Variants in KIAA1549L observed in about 807,000 individuals in gnomAD.
KIAA1549L encodes KIAA1549 like.
In KIAA1549L, 88 loss-of-function variants were observed where a neutral mutation model predicts 160.7. That is an observed-to-expected ratio of 0.55 (90% confidence interval 0.46 to 0.65). The LOEUF (loss-of-function observed/expected upper bound fraction) is 0.65, where lower values mean the gene tolerates loss of function less well. Among genes scored for constraint, KIAA1549L ranks in the 30% least tolerant of loss-of-function variants. The pLI is 0.00. For synonymous variants in KIAA1549L, 950 were observed against 976.7 expected, an observed-to-expected ratio of 0.97 and a Z score of 0.51; for missense variants, 2,258 against 2,437.5, an observed-to-expected ratio of 0.93 and a Z score of 1.55.
chr11:33,450,037 T>C (rs2132969137), intron 1 of KIAA1549L, among the ~76,000 whole-genome samples: 1 of 152,332 alleles, frequency 6.6e-6, no homozygotes, highest in East Asian at 1.9e-4. Context: ...TTTTGGTGAC[T>C]TGGCTTTATG....
At chr11:33,461,073 G>T (rs185314213) in intron 1 of KIAA1549L, among the ~76,000 whole-genome samples, 1 of 151,874 alleles carries the variant, frequency 6.6e-6, no homozygotes, top group East Asian at 1.9e-4. Flanking sequence ...TTGAATTGGG[G>T]GGTTGGTTTA....
rs184335989 is a variant in KIAA1549L at position 33,407,183 on chromosome 11, C to T, written c.238+30294C>T. On this transcript the variant is annotated intron_variant, in intron 1 of 20. Transcript: ENST00000658780. ...CACTACAAACTCCGCCTCCCGGGTT[C>T]ACGCCATTCTCCTGCCTCAGCCTCC... Among the ~76,000 whole-genome samples, 479 of 140,686 alleles carry T rather than the reference C, an allele frequency of 3.4e-3. 2 individuals carry two copies. The highest frequency in any genetic ancestry group is 5.4e-3 in the Non-Finnish European group (361 of 66,620). The allele number at this position is 140,686 out of a possible 152,430, so 92.3% of individuals were successfully genotyped here. A position where few individuals can be genotyped will look rare whatever the true frequency, so the allele number is the denominator to read the frequency against.
At chr11:33,384,041 A>G (rs78556475) in intron 1 of KIAA1549L, among the ~76,000 whole-genome samples, 1 of 152,216 alleles carries the variant, frequency 6.6e-6, no homozygotes, top group African/African-American at 2.4e-5. Flanking sequence ...AGTTTTGACA[A>G]AAGTGTGCAA....
chr11:33,411,257 T>A (rs1850779394), intron 1 of KIAA1549L, among the ~76,000 whole-genome samples: 1 of 152,168 alleles, frequency 6.6e-6, no homozygotes, highest in South Asian at 2.1e-4. Context: ...TAGCCTTACT[T>A]TATTGGTTTT....
rs552371084 is a variant in KIAA1549L at position 33,409,333 on chromosome 11, C to G, written c.238+32444C>G. On this transcript the variant is annotated intron_variant, in intron 1 of 20. Coordinates refer to ENST00000658780, the MANE Select transcript of KIAA1549L (RefSeq NM_012194.3). ...GGGTGATGGTTCATAACTTACTGTT[C>G]TCTAAAGGACCTTTTCTAGAAAACA... 3.3e-5 allele frequency among the ~76,000 whole-genome samples: 5 copies of G among 152,284 alleles called. No homozygotes were observed. In the South Asian group the frequency reaches 1.0e-3, roughly 32 times the overall value.
chr11:33,560,625 A>G (rs368737675), intron 7 of KIAA1549L, among the ~76,000 whole-genome samples: 143 of 152,354 alleles, frequency 9.4e-4, no homozygotes, highest in African/African-American at 3.3e-3. Flanking sequence ...TACATTTTGT[A>G]TCCAAATGTT....
chr11:33,518,098 C>G (rs1328352842), intron 1 of KIAA1549L, among the ~76,000 whole-genome samples: 1 of 122,766 alleles, frequency 8.1e-6, no homozygotes, highest in Admixed American at 1.1e-4. Context: ...GAGATTACAC[C>G]ATTGCACTCC....
At chr11:33,492,787 T>C (rs1360745791) in intron 1 of KIAA1549L, among the ~76,000 whole-genome samples, 1 of 152,168 alleles carries the variant, frequency 6.6e-6, no homozygotes, top group Non-Finnish European at 1.5e-5. Flanking sequence ...TTCTATTCAT[T>C]ATTCTGTCTG....
chr11:33,480,158 A>G (rs1852378964), intron 1 of KIAA1549L, among the ~76,000 whole-genome samples: 1 of 152,126 alleles, frequency 6.6e-6, no homozygotes, highest in African/African-American at 2.4e-5. Flanking sequence ...AGTATATTCA[A>G]ATTACAAGTT....
In KIAA1549L at chr11:33,544,181, G is replaced by A. The variant is rs1854146426; in HGVS notation, c.2618G>A (p.Ser873Asn). The change falls in exon 2 of 21, where the codon AGT (serine) becomes AAT (asparagine). Residue 873 changes from serine (S) to asparagine (N), a missense_variant. By Grantham distance (46) the Ser-to-Asn change is conservative. Coordinates refer to ENST00000658780, the MANE Select transcript of KIAA1549L (RefSeq NM_012194.3). ...ACAGATACAGGTTCTGAAATTTCCA[G>A]TGACATCAATTCATCACCTGAGAGA... ...DGTDTGSEIS[S>N]DINSSPERNA... 1 of 1,614,002 alleles carries A rather than the reference G, an allele frequency of 6.2e-7. No individual in the cohort carries two copies. The highest frequency in any genetic ancestry group is 2.2e-5 in the East Asian group (1 of 44,884).
chr11:33,511,404 T>C (rs1009949766), intron 1 of KIAA1549L, among the ~76,000 whole-genome samples: 5 of 152,154 alleles, frequency 3.3e-5, no homozygotes, highest in Non-Finnish European at 5.9e-5. Context: ...TGTGGGAGGA[T>C]TAAAAAGATA....
chr11:33,437,797 G>T (rs1025742880), intron 1 of KIAA1549L, among the ~76,000 whole-genome samples: 1 of 152,124 alleles, frequency 6.6e-6, no homozygotes, highest in African/African-American at 2.4e-5. Context: ...TAGGATTCTT[G>T]TCCCCTCCAG....
In KIAA1549L at chr11:33,653,001, A is replaced by G. The variant is rs541118283; in HGVS notation, c.5761-3011A>G. Among the ~76,000 whole-genome samples, 101 of 152,370 alleles carry G rather than the reference A, an allele frequency of 6.6e-4. 2 individuals carry two copies. Among genetic ancestry groups the G allele is most frequent in the African/African-American group, 2.1e-3 (89 of 41,588 alleles). ...GTGCCTTATTTCACAAGGAAAGCAA[A>G]ACAAAACAAAACCAAAACAAGGTTC... On this transcript the variant is annotated intron_variant, in intron 17 of 20. Transcript: ENST00000658780.
At chr11:33,589,820 G>A (rs982757613) in intron 11 of KIAA1549L, among the ~76,000 whole-genome samples, 1 of 152,190 alleles carries the variant, frequency 6.6e-6, no homozygotes, top group Non-Finnish European at 1.5e-5. Context: ...TAAATGACAA[G>A]TTAATGGGTG....
intron 1 of KIAA1549L, among the ~76,000 whole-genome samples, chr11:33,404,279 C>T (rs573094217): frequency 6.6e-6 from 1 of 152,280 alleles, no homozygotes; most frequent in East Asian, 1.9e-4. Flanking sequence ...AATCCCAGCA[C>T]TTTGGGAGGC....
At chr11:33,447,211 T>G (rs1020440792) in intron 1 of KIAA1549L, among the ~76,000 whole-genome samples, 7 of 149,018 alleles carry the variant, frequency 4.7e-5, no homozygotes, top group Non-Finnish European at 8.8e-5. Flanking sequence ...GAGTTGAGAA[T>G]GAACATAGCA....
chr11:33,476,583 C>G (rs532839588), intron 1 of KIAA1549L, among the ~76,000 whole-genome samples: 91 of 152,284 alleles, frequency 6.0e-4, no homozygotes, highest in African/African-American at 2.1e-3. Context: ...ACCTACCTGT[C>G]CTGGCCTCTC....
At chr11:33,464,511 T>TGTGC (rs1491348414) in intron 1 of KIAA1549L, among the ~76,000 whole-genome samples, 158 of 139,566 alleles carry the variant, frequency 1.1e-3, no homozygotes, top group South Asian at 3.3e-3. Flanking sequence ...TGTGTGTGTG[T>TGTGC]GCGTGCGCGC....
chr11:33,565,338 G>T (rs776271525), intron 8 of KIAA1549L, among the ~76,000 whole-genome samples: 1 of 152,168 alleles, frequency 6.6e-6, no homozygotes, highest in Non-Finnish European at 1.5e-5. Flanking sequence ...GGGGCACATC[G>T]TAACAACAGC....
Sources: gnomAD v4.1 joint callset for allele counts (sites outside exome capture counted in the v4.1 genomes callset) on GRCh38, gnomAD v4.1.1 for gene constraint, MANE v1.5 for transcripts, NCBI Gene and HGNC (gene_info 2026-07-23, HGNC 2026-07-21) for gene names.